The following SLC22A23 variants were observed in gnomAD, a reference collection of about 807,000 sequenced individuals.
SLC22A23 encodes the protein ion transporter protein.
SLC22A23 carries 26 observed loss-of-function variants against 61.0 expected under a neutral mutation model. The observed-to-expected ratio is 0.43, with a 90% CI of 0.31 to 0.59. SLC22A23 has a LOEUF of 0.59. Ranked by LOEUF, SLC22A23 falls within the 20% of genes least tolerant of loss-of-function variation. SLC22A23 has a pLI of 0.11. For missense variants in SLC22A23, 796 were observed against 934.7 expected (o/e 0.85, Z 1.94); for synonymous variants, 430 against 413.9 (o/e 1.04, Z -0.47).
At chr6:3,294,881 C>A (rs548341446) in intron 5 of SLC22A23, among the ~76,000 whole-genome samples, 2 of 152,176 alleles carry the variant, frequency 1.3e-5, no homozygotes, top group African/African-American at 4.8e-5. Context: ...TCAGGTTTTC[C>A]CCCGGCATAA....
chr6:3,395,209 G>A (rs1318475368), intron 3 of SLC22A23, among the ~76,000 whole-genome samples: 2 of 152,210 alleles, frequency 1.3e-5, no homozygotes, highest in South Asian at 2.1e-4. Flanking sequence ...CTGTAGCCCA[G>A]TGTGAACCTA....
At chr6:3,321,694 C>A (rs1176819665) in intron 4 of SLC22A23, among the ~76,000 whole-genome samples, 1 of 152,202 alleles carries the variant, frequency 6.6e-6, no homozygotes, top group Non-Finnish European at 1.5e-5. Flanking sequence ...TGCACTCCTG[C>A]CTGGGACAGG....
In SLC22A23 at chr6:3,456,503, G is replaced by A. The variant is rs1772418116; in HGVS notation, c.57C>T (p.Ala19=). The A allele has an allele frequency of 9.5e-7, 1 of 1,055,206 alleles. No individual in the cohort carries two copies. Among genetic ancestry groups the A allele is most frequent in the Non-Finnish European group, 1.1e-6 (1 of 877,292 alleles). The allele number at this position is 1,055,206 out of a possible 1,614,324, so 65.4% of individuals were successfully genotyped here. ...GCAGGGAGCCGTTCTCCTCGGCCGGGGCCGGCTGCCGCCCAGGCCCGCCGC... is the reference window on the plus strand; with the variant it reads ...GCAGGGAGCCGTTCTCCTCGGCCGGAGCCGGCTGCCGCCCAGGCCCGCCGC... ...AAGGGPGRQP[A]PAEENGSLPP... The change falls in exon 1 of 10, where the codon GCC becomes GCT. Residue 19 remains alanine, a synonymous_variant. Coordinates refer to ENST00000406686, the MANE Select transcript of SLC22A23 (RefSeq NM_015482.2). The surrounding 1 kb of genome is among the most constrained non-coding windows in gnomAD (Gnocchi z 7.1).
intron 3 of SLC22A23, among the ~76,000 whole-genome samples, chr6:3,377,336 T>C (rs1029581941): frequency 6.6e-6 from 1 of 152,142 alleles, no homozygotes; most frequent in African/African-American, 2.4e-5. Flanking sequence ...AGGGCATTGC[T>C]GCTGATTACT....
chr6:3,455,640 T>C (rs1215234005), intron 1 of SLC22A23, among the ~76,000 whole-genome samples: 3 of 152,194 alleles, frequency 2.0e-5, no homozygotes, highest in African/African-American at 7.2e-5. Flanking sequence ...GTCAGCTGCC[T>C]CGCCCCGAGG....
chr6:3,302,658 T>C (rs895368057), intron 4 of SLC22A23, among the ~76,000 whole-genome samples: 1 of 152,242 alleles, frequency 6.6e-6, no homozygotes, highest in Non-Finnish European at 1.5e-5. Flanking sequence ...TGAAGAAATT[T>C]TTTAGTTTCC....
intron 3 of SLC22A23, among the ~76,000 whole-genome samples, chr6:3,368,006 C>G (rs1392731350): frequency 1.3e-5 from 2 of 152,214 alleles, no homozygotes; most frequent in African/African-American, 4.8e-5. Context: ...AGAGACCCAG[C>G]ACCCATCACT....
chr6:3,449,515 AAG>A (rs1174361670), intron 1 of SLC22A23, among the ~76,000 whole-genome samples: 1 of 152,220 alleles, frequency 6.6e-6, no homozygotes, highest in Admixed American at 6.5e-5. Flanking sequence ...AAAGGAAATG[AAG>A]AGACTGTTCA....
chr6:3,389,795 G>A (rs996536410), intron 3 of SLC22A23, among the ~76,000 whole-genome samples: 2 of 152,240 alleles, frequency 1.3e-5, no homozygotes, highest in African/African-American at 4.8e-5. Flanking sequence ...GGCATAAGGG[G>A]AAAGGGAGCT....
chr6:3,271,581 C>CA lies in SLC22A23; in HGVS notation c.*1473dup, dbSNP rs1758477619. 6.6e-6 allele frequency: 1 copy of CA among 152,390 alleles called. No individual in the cohort carries two copies. 9.4% of individuals were successfully genotyped at this position (152,390 alleles called of 1,614,324 possible). On this transcript the variant is annotated 3_prime_UTR_variant, in exon 10 of 10. Transcript: ENST00000406686. ...AGACCACAATTTCCCTGGAAGGACA[C>CA]AGCCCATGGCAAAGACATGCTTCGA...
At chr6:3,337,222 A>G (rs1763907677) in intron 3 of SLC22A23, among the ~76,000 whole-genome samples, 1 of 152,220 alleles carries the variant, frequency 6.6e-6, no homozygotes, top group African/African-American at 2.4e-5. Context: ...CTTCAACCAC[A>G]GGAGAGCCAG....
intron 3 of SLC22A23, among the ~76,000 whole-genome samples, chr6:3,405,619 T>TA (rs1768773720): frequency 1.8e-5 from 1 of 54,812 alleles, no homozygotes; most frequent in Non-Finnish European, 3.3e-5. Context: ...CTCAGTCAAA[T>TA]TTTTTTTTTT....
intron 3 of SLC22A23, among the ~76,000 whole-genome samples, chr6:3,352,743 A>G (rs1004932102): frequency 1.3e-5 from 2 of 152,220 alleles, no homozygotes; most frequent in Non-Finnish European, 2.9e-5. Flanking sequence ...GGTGTCGCTT[A>G]CAGGTGTTCA....
At chr6:3,373,061 C>T (rs1026184001) in intron 3 of SLC22A23, among the ~76,000 whole-genome samples, 7 of 152,192 alleles carry the variant, frequency 4.6e-5, no homozygotes, top group Non-Finnish European at 1.0e-4. Flanking sequence ...TTAACACTGT[C>T]CCCTAACTGA....
At chr6:3,296,776 T>C (rs1378832723) in intron 5 of SLC22A23, among the ~76,000 whole-genome samples, 1 of 152,084 alleles carries the variant, frequency 6.6e-6, no homozygotes, top group Non-Finnish European at 1.5e-5. Context: ...CTGCACAAGT[T>C]GAGGCAGAGG....
At chr6:3,385,874 A>G (rs1012810433) in intron 3 of SLC22A23, among the ~76,000 whole-genome samples, 2 of 152,256 alleles carry the variant, frequency 1.3e-5, no homozygotes, top group Non-Finnish European at 2.9e-5. Context: ...GAGACGTATT[A>G]GAGCTAGAAT....
At chr6:3,275,832 T>C (rs1290282958) in intron 9 of SLC22A23, among the ~76,000 whole-genome samples, 2 of 152,248 alleles carry the variant, frequency 1.3e-5, no homozygotes, top group Non-Finnish European at 2.9e-5. Context: ...TCCACCCGCC[T>C]TGGCCTCCCA....
chr6:3,430,253 G>A (rs6938209), intron 1 of SLC22A23, among the ~76,000 whole-genome samples: 45,960 of 151,878 alleles, frequency 0.3, 8,136 homozygotes, highest in East Asian at 0.48. Context: ...CTGACATCTC[G>A]TCTCCGCTGG....
chr6:3,321,022 GACC>G (rs1450471990), intron 4 of SLC22A23, among the ~76,000 whole-genome samples: 5 of 152,090 alleles, frequency 3.3e-5, no homozygotes, highest in African/African-American at 9.7e-5. Flanking sequence ...CCCCATTATT[GACC>G]ACAATGACGC....
Sources: allele counts gnomAD v4.1 joint callset (sites outside exome capture counted in the v4.1 genomes callset), GRCh38; gene constraint gnomAD v4.1.1; non-coding constraint Gnocchi (gnomAD v3.1); transcripts MANE v1.5; gene names NCBI Gene and HGNC (gene_info 2026-07-23, HGNC 2026-07-21).